MTUS1: variants seen among roughly 807,000 people sequenced by gnomAD.
The protein encoded by MTUS1 is microtubule associated scaffold protein 1.
A neutral mutation model predicts 120.8 loss-of-function variants in MTUS1; 109 were observed. That is an observed-to-expected ratio of 0.90 (90% CI 0.77 to 1.06). MTUS1 has a LOEUF of 1.06. Among genes scored for constraint, MTUS1 ranks in the 50% least tolerant of loss-of-function variants. The pLI, the probability that MTUS1 is intolerant of heterozygous loss-of-function variation, is 0.00. For synonymous variants in MTUS1, 737 were observed against 550.5 expected (o/e 1.34, Z -4.74); for missense variants, 2,210 against 1,486.3 (o/e 1.49, Z -8.01).
At chr8:17,762,566 GTCAATT>G in intron 1 of MTUS1, among the ~76,000 whole-genome samples, 1 of 152,230 alleles carries the variant, frequency 6.6e-6, no homozygotes, top group East Asian at 1.9e-4. Flanking sequence ...GTACTTGGTG[GTCAATT>G]TCCTAAAAGC....
rs769606763 is a variant in MTUS1, at chr8:17,721,957, T to C, written c.2449+1715A>G. 1.6e-4 allele frequency: 242 copies of C among 1,549,780 alleles called. 1 individual carries two copies. Among genetic ancestry groups the C allele is most frequent in the Middle Eastern group, 6.3e-4 (3 of 4,796 alleles). The stretch of plus-strand genomic sequence containing the variant: ...AAAACTGCAGCCATGTTCACTCTCA[T>C]ATCCCTCATGCTTGCTCTTAGTGAA... On this transcript the variant is annotated intron_variant, in intron 4 of 14. Transcript: ENST00000693296.
chr8:17,770,757 G>A (rs1288559474), intron 1 of MTUS1, among the ~76,000 whole-genome samples: 1 of 152,166 alleles, frequency 6.6e-6, no homozygotes, highest in Non-Finnish European at 1.5e-5. Context: ...CTTTTCTGAG[G>A]CTTTACAGGC....
intron 6 of MTUS1, among the ~76,000 whole-genome samples, chr8:17,687,860 A>T (rs954641091): frequency 6.6e-6 from 1 of 152,234 alleles, no homozygotes; most frequent in African/African-American, 2.4e-5. Context: ...GTCATGTATC[A>T]TCTTCTTAAA....
At chr8:17,789,114 C>G (rs1160251440) in intron 1 of MTUS1, among the ~76,000 whole-genome samples, 1 of 151,826 alleles carries the variant, frequency 6.6e-6, no homozygotes, top group Non-Finnish European at 1.5e-5. Flanking sequence ...CTCACCACAA[C>G]CTCCGCCTCC....
chr8:17,651,693 C>T (rs1807037891), intron 12 of MTUS1: 3 of 152,344 alleles, frequency 2.0e-5, no homozygotes, highest in South Asian at 4.2e-4. Flanking sequence ...TCCCGGACTA[C>T]AGTCAGACGC....
At chr8:17,670,344 C>T (rs904767702) in intron 8 of MTUS1, among the ~76,000 whole-genome samples, 2 of 152,120 alleles carry the variant, frequency 1.3e-5, no homozygotes, top group Non-Finnish European at 2.9e-5. Context: ...TAGCGGAAAC[C>T]ATGGGAATGG....
At chr8:17,719,204 C>G (rs1563261635) in intron 4 of MTUS1, among the ~76,000 whole-genome samples, 2 of 152,138 alleles carry the variant, frequency 1.3e-5, no homozygotes, top group Non-Finnish European at 2.9e-5. Context: ...TTGTTTCAGA[C>G]TTTTATCTGC....
Position 17,691,216 on chromosome 8 carries a change from T to C in MTUS1, c.2624-6674A>G, listed in dbSNP as rs1201612925. The stretch of plus-strand genomic sequence containing the variant: ...TACTACATTAAAACATAATTTAGTG[T>C]AGTAAAACTCTAGTTATCTGAAACT... On this transcript the variant is annotated intron_variant, in intron 6 of 14. Transcript: ENST00000693296. The C allele has an allele frequency of 2.0e-5, 3 of 152,240 alleles. No individual in the cohort carries two copies. The East Asian group carries it at 5.8e-4, about 29-fold the overall frequency. 9.4% of individuals were successfully genotyped at this position (152,240 alleles called of 1,614,324 possible).
At chr8:17,724,629 C>A (rs879823031) in intron 3 of MTUS1, among the ~76,000 whole-genome samples, 2 of 152,132 alleles carry the variant, frequency 1.3e-5, no homozygotes, top group East Asian at 1.9e-4. Flanking sequence ...ATACAGGCTG[C>A]GTATCCTCTG....
chr8:17,699,328 CT>C (rs780571063), intron 6 of MTUS1, among the ~76,000 whole-genome samples: 3 of 152,166 alleles, frequency 2.0e-5, no homozygotes, highest in Non-Finnish European at 2.9e-5. Flanking sequence ...AGTGATTCTC[CT>C]GCCTCAGCCT....
In MTUS1 at chr8:17,648,731, G is replaced by C. The variant is rs541661523; in HGVS notation, c.3501+1115C>G. ...CCAAACCAACACAAACCAAGCAGCA[G>C]AGAGGTCCCCCATGTCCCCTACTGT... On this transcript the variant is annotated intron_variant, in intron 13 of 14. Coordinates refer to ENST00000693296, the MANE Select transcript of MTUS1 (RefSeq NM_001363059.2). Among the ~76,000 whole-genome samples, 5 of 152,344 alleles carry C rather than the reference G, an allele frequency of 3.3e-5. No homozygotes were observed. The East Asian group carries it at 9.7e-4, about 29-fold the overall frequency.
At chr8:17,758,743 C>T (rs560688574) in intron 1 of MTUS1, among the ~76,000 whole-genome samples, 1 of 152,124 alleles carries the variant, frequency 6.6e-6, no homozygotes, top group Non-Finnish European at 1.5e-5. Flanking sequence ...TAGCATAGAT[C>T]GTGGGAACTG....
intron 7 of MTUS1, among the ~76,000 whole-genome samples, chr8:17,678,169 G>A (rs1282721343): frequency 1.3e-5 from 2 of 152,102 alleles, no homozygotes; most frequent in East Asian, 1.9e-4. Flanking sequence ...TGGTAGCTTG[G>A]CCTTTACATG....
chr8:17,757,714 A>G (rs2048730500), intron 1 of MTUS1, among the ~76,000 whole-genome samples: 1 of 152,088 alleles, frequency 6.6e-6, no homozygotes, highest in Admixed American at 6.5e-5. Context: ...TTTAGTAGAG[A>G]CAGGGTTTCA....
chr8:17,684,286 G>C (rs574844374), intron 7 of MTUS1, 42 bp downstream of exon 7: 3 of 1,503,858 alleles, frequency 2.0e-6, no homozygotes, highest in South Asian at 2.3e-5. Context: ...GTGCTCCCCC[G>C]ACCTCAAGTA....
chr8:17,649,425 A>G (rs1806508991), intron 13 of MTUS1, among the ~76,000 whole-genome samples: 1 of 150,330 alleles, frequency 6.7e-6, no homozygotes, highest in Non-Finnish European at 1.5e-5. Context: ...TAGTATTGCT[A>G]TTCATTTCTA....
intron 13 of MTUS1, 67 bp from the exon 14 acceptor site, chr8:17,647,146 A>G: frequency 8.4e-7 from 1 of 1,189,928 alleles, no homozygotes; most frequent in East Asian, 2.4e-5. Context: ...TTCTTAAGGC[A>G]CCTCACGACA....
At chr8:17,750,278 G>T (rs1456752920) in intron 2 of MTUS1, among the ~76,000 whole-genome samples, 1 of 152,182 alleles carries the variant, frequency 6.6e-6, no homozygotes. Context: ...AAAAGCAAGT[G>T]ACTGTACACA....
intron 9 of MTUS1, chr8:17,654,910 G>A (rs562388152): frequency 3.4e-5 from 18 of 525,872 alleles, no homozygotes; most frequent in East Asian, 9.2e-5. Flanking sequence ...GCAATGTCGC[G>A]AGACTCTGTC....
Sources: allele counts gnomAD v4.1 joint callset (sites outside exome capture counted in the v4.1 genomes callset), GRCh38; gene constraint gnomAD v4.1.1; transcripts MANE v1.5; gene names NCBI Gene and HGNC (gene_info 2026-07-23, HGNC 2026-07-21).